The following ST6GALNAC3 variants were observed in gnomAD, a reference collection of about 807,000 sequenced individuals.
The protein encoded by ST6GALNAC3 is ST6 N-acetylgalactosaminide alpha-2,6-sialyltransferase 3.
A neutral mutation model predicts 32.7 loss-of-function variants in ST6GALNAC3; 25 were observed. The observed-to-expected ratio is 0.76, with a 90% CI of 0.56 to 1.07. The LOEUF (loss-of-function observed/expected upper bound fraction) is 1.07. Among genes scored for constraint, ST6GALNAC3 ranks in the 50% least tolerant of loss-of-function variants. The pLI is 0.00. For synonymous variants in ST6GALNAC3, 129 were observed against 133.1 expected (o/e 0.97, Z 0.21); for missense variants, 355 against 382.4 (o/e 0.93, Z 0.60).
chr1:76,623,835 C>T (rs12407011), intron 3 of ST6GALNAC3, among the ~76,000 whole-genome samples: 17,290 of 151,916 alleles, frequency 0.11, 1,355 homozygotes, highest in Admixed American at 0.22. Flanking sequence ...GGAAATGGTA[C>T]GGCTACAAGA....
chr1:76,434,011 T>C (rs1655956167), intron 3 of ST6GALNAC3, among the ~76,000 whole-genome samples: 1 of 152,214 alleles, frequency 6.6e-6, no homozygotes, highest in Non-Finnish European at 1.5e-5. Context: ...GATTACTGCA[T>C]GCTCATTTAA....
chr1:76,336,550 T>C (rs927499124), intron 2 of ST6GALNAC3, among the ~76,000 whole-genome samples: 2 of 152,180 alleles, frequency 1.3e-5, no homozygotes, highest in African/African-American at 4.8e-5. Context: ...TCATTAGAAA[T>C]TCATGAGATA....
intron 2 of ST6GALNAC3, among the ~76,000 whole-genome samples, chr1:76,317,299 C>T (rs574440945): frequency 2.0e-5 from 3 of 152,080 alleles, no homozygotes; most frequent in South Asian, 2.1e-4. Flanking sequence ...TGTCCTCAGG[C>T]GCAATCCGTT....
At chr1:76,301,615 C>G (rs1438495068) in intron 1 of ST6GALNAC3, among the ~76,000 whole-genome samples, 1 of 151,958 alleles carries the variant, frequency 6.6e-6, no homozygotes, top group Non-Finnish European at 1.5e-5. Context: ...TATTTATTAT[C>G]ACCATGAGAC....
intron 1 of ST6GALNAC3, among the ~76,000 whole-genome samples, chr1:76,122,837 C>G (rs529737761): frequency 2.2e-4 from 33 of 152,212 alleles, no homozygotes; most frequent in Non-Finnish European, 4.0e-4. Context: ...TGTGCATATG[C>G]GGCATGCTGA....
chr1:76,597,202 G>C (rs1264302071), intron 3 of ST6GALNAC3, among the ~76,000 whole-genome samples: 1 of 152,102 alleles, frequency 6.6e-6, no homozygotes, highest in Non-Finnish European at 1.5e-5. Context: ...ACAGAGAGCC[G>C]AGGAATTCCA....
intron 3 of ST6GALNAC3, among the ~76,000 whole-genome samples, chr1:76,540,132 T>G (rs751726772): frequency 6.6e-6 from 1 of 152,082 alleles, no homozygotes; most frequent in Non-Finnish European, 1.5e-5. Context: ...ATAGACTGGA[T>G]AGAAAAAATG....
intron 2 of ST6GALNAC3, among the ~76,000 whole-genome samples, chr1:76,356,512 A>G (rs533348755): frequency 2.0e-5 from 3 of 151,900 alleles, no homozygotes; most frequent in Admixed American, 6.6e-5. Context: ...AAATAACACT[A>G]GTAAGTAAAT....
In ST6GALNAC3 at chr1:76,629,299, A is replaced by G; in HGVS notation, c.*493A>G. The G allele has an allele frequency of 1.0e-6, 1 of 987,796 alleles. No homozygotes were observed. Among genetic ancestry groups the G allele is most frequent in the Non-Finnish European group, 1.2e-6 (1 of 831,764 alleles). 61.2% of individuals were successfully genotyped at this position (987,796 alleles called of 1,614,324 possible). A position where few individuals can be genotyped will look rare whatever the true frequency, so the allele number is the denominator to read the frequency against. On this transcript the variant is annotated 3_prime_UTR_variant, in exon 5 of 5. Coordinates refer to ENST00000328299, the MANE Select transcript of ST6GALNAC3 (RefSeq NM_152996.4). The stretch of plus-strand genomic sequence containing the variant: ...GCTATCAGGGTGCAAGTATCTTACT[A>G]CTTAGCCTAAGGATGGGAAAATATC...
chr1:76,568,685 T>A (rs1273765751), intron 3 of ST6GALNAC3, among the ~76,000 whole-genome samples: 2 of 152,142 alleles, frequency 1.3e-5, no homozygotes, highest in Admixed American at 6.5e-5. Flanking sequence ...AAAGGCACAG[T>A]AGAAACACAG....
intron 3 of ST6GALNAC3, among the ~76,000 whole-genome samples, chr1:76,431,792 G>A (rs887009219): frequency 2.0e-5 from 3 of 152,066 alleles, no homozygotes; most frequent in Non-Finnish European, 4.4e-5. Flanking sequence ...CCCGCCCAGA[G>A]TGGTACATTT....
At chr1:76,270,635 A>G (rs1658792194) in intron 1 of ST6GALNAC3, among the ~76,000 whole-genome samples, 1 of 152,046 alleles carries the variant, frequency 6.6e-6, no homozygotes, top group Non-Finnish European at 1.5e-5. Flanking sequence ...TGAAATCCAC[A>G]GTGGTCTGTG....
At chr1:76,242,333 G>A (rs1299632341) in intron 1 of ST6GALNAC3, among the ~76,000 whole-genome samples, 1 of 152,156 alleles carries the variant, frequency 6.6e-6, no homozygotes, top group Non-Finnish European at 1.5e-5. Flanking sequence ...GGATGAGCTA[G>A]AGTTGGGGGG....
At chr1:76,615,022 A>G (rs1557628372) in intron 3 of ST6GALNAC3, among the ~76,000 whole-genome samples, 1 of 152,110 alleles carries the variant, frequency 6.6e-6, no homozygotes, top group Non-Finnish European at 1.5e-5. Flanking sequence ...TGTACCCTAT[A>G]GGAGATTTTT....
At position 76,166,975 on chromosome 1, in the gene ST6GALNAC3, C is replaced by T. The variant is rs565104745; in HGVS notation, c.18+92091C>T. Among the ~76,000 whole-genome samples, 8 of 152,158 alleles carry T rather than the reference C, an allele frequency of 5.3e-5. No homozygotes were observed. In the South Asian group the frequency reaches 1.2e-3, roughly 24 times the overall value. Reference sequence around the variant, plus strand: ...AGGGATAGTTTGACTTCCTCTCTTCCGATTTTGATGCCCTTTTCTTCTTTC... The same window carrying T: ...AGGGATAGTTTGACTTCCTCTCTTCTGATTTTGATGCCCTTTTCTTCTTTC... On this transcript the variant is annotated intron_variant, in intron 1 of 4. Coordinates refer to ENST00000328299, the MANE Select transcript of ST6GALNAC3 (RefSeq NM_152996.4).
intron 1 of ST6GALNAC3, among the ~76,000 whole-genome samples, chr1:76,177,865 T>C (rs148236312): frequency 0.023 from 3,446 of 152,274 alleles, 54 homozygotes; most frequent in Non-Finnish European, 0.04. Flanking sequence ...TTCATCACTC[T>C]TGAGTGACGG....
chr1:76,407,958 C>T lies in ST6GALNAC3; in HGVS notation c.214-4050C>T, dbSNP rs150153287. Reference sequence around the variant, plus strand: ...AACAGAGAAAGTTGAGATCAAAAGACGTAGTAATAAAGCTAATAAGAAAAA... The same window carrying T: ...AACAGAGAAAGTTGAGATCAAAAGATGTAGTAATAAAGCTAATAAGAAAAA... On this transcript the variant is annotated intron_variant, in intron 2 of 4. Coordinates refer to ENST00000328299, the MANE Select transcript of ST6GALNAC3 (RefSeq NM_152996.4). 8.5e-5 allele frequency among the ~76,000 whole-genome samples: 13 copies of T among 152,102 alleles called. No homozygotes were observed. The East Asian group carries it at 1.4e-3, about 16-fold the overall frequency.
rs183045915 is a variant in ST6GALNAC3 at position 76,431,488 on chromosome 1, A to G, written c.623+19071A>G. 4.1e-3 allele frequency among the ~76,000 whole-genome samples: 631 copies of G among 152,290 alleles called. 5 individuals are homozygous for G. Among genetic ancestry groups the G allele is most frequent in the African/African-American group, 0.015 (604 of 41,574 alleles). On this transcript the variant is annotated intron_variant, in intron 3 of 4. Transcript: ENST00000328299. ...CATAGATGTAAATCTATCACAAATTATCATTCTGTCTTTCTTTCTGTCTCT... is the reference window on the plus strand; with the variant it reads ...CATAGATGTAAATCTATCACAAATTGTCATTCTGTCTTTCTTTCTGTCTCT...
At chr1:76,389,011 C>T (rs74530929) in intron 2 of ST6GALNAC3, among the ~76,000 whole-genome samples, 1 of 107,910 alleles carries the variant, frequency 9.3e-6, no homozygotes, top group African/African-American at 3.7e-5. Context: ...TGGTATATTT[C>T]CTTTTTTTTT....
Sources: gnomAD v4.1 joint callset for allele counts (sites outside exome capture counted in the v4.1 genomes callset) on GRCh38, gnomAD v4.1.1 for gene constraint, MANE v1.5 for transcripts, NCBI Gene and HGNC (gene_info 2026-07-23, HGNC 2026-07-21) for gene names.